Variants in GAL observed in about 807,000 individuals in gnomAD.
GAL encodes galanin and GMAP prepropeptide, also known as galanin peptides.
A neutral mutation model predicts 15.8 loss-of-function variants in GAL; 14 were observed. The ratio of observed to expected loss-of-function variants is 0.89; its 90% CI spans 0.59 to 1.39. The LOEUF (loss-of-function observed/expected upper bound fraction) is 1.39, where lower values mean the gene tolerates loss of function less well. Ranked by LOEUF, GAL falls within the 40% of genes most tolerant of loss-of-function variation. The pLI is 0.00. For missense variants in GAL, 176 were observed against 170.4 expected (o/e 1.03, Z -0.18); for synonymous variants, 79 against 73.8 (o/e 1.07, Z -0.36).
chr11:68,687,022 GGA>G (rs1442541484), intron 3 of GAL, among the ~76,000 whole-genome samples: 1 of 152,166 alleles, frequency 6.6e-6, no homozygotes, highest in Non-Finnish European at 1.5e-5. Flanking sequence ...TTGATTTCTA[GGA>G]TCTGCTAGAA....
chr11:68,691,041 A>G lies in GAL; in HGVS notation c.*54A>G. 9.1e-7 allele frequency: 1 copy of G among 1,098,356 alleles called. No homozygotes were observed. Among genetic ancestry groups the G allele is most frequent in the Non-Finnish European group, 1.4e-6 (1 of 710,452 alleles). The allele number at this position is 1,098,356 out of a possible 1,614,324, so 68.0% of individuals were successfully genotyped here. A position where few individuals can be genotyped will look rare whatever the true frequency, so the allele number is the denominator to read the frequency against. ...CTGTAACCTGAAGTCAAACCTTAAG[A>G]TAATGGATAATCTTCGGCCAATTTA... is the stretch of plus-strand genomic sequence containing the variant. On this transcript the variant is annotated 3_prime_UTR_variant, in exon 6 of 6. Transcript: ENST00000265643.
Position 68,691,051 on chromosome 11 carries a change from A to C in GAL, c.*64A>C. On this transcript the variant is annotated 3_prime_UTR_variant, in exon 6 of 6. Transcript: ENST00000265643. ...AAGTCAAACCTTAAGATAATGGATA[A>C]TCTTCGGCCAATTTATGCAGAGTCA... 1.0e-6 allele frequency: 1 copy of C among 994,482 alleles called. No individual in the cohort carries two copies. The highest frequency in any genetic ancestry group is 1.6e-6 in the Non-Finnish European group (1 of 617,756). 61.6% of individuals were successfully genotyped at this position (994,482 alleles called of 1,614,324 possible).
At position 68,690,948 on chromosome 11, in the gene GAL, C is replaced by A. The variant is rs759047278; in HGVS notation, c.333C>A (p.Leu111=). The change falls in exon 6 of 6, where the codon CTC becomes CTA. Residue 111 remains leucine, a synonymous_variant. Transcript: ENST00000265643. ...GTGCCCTCGACCGCCTCCTGGATCT[C>A]CCCGCCGCAGCCTCCTCAGAAGACA... is the stretch of plus-strand genomic sequence containing the variant. ...EAGALDRLLD[L]PAAASSEDIE... 3 of 1,613,322 alleles carry A rather than the reference C, an allele frequency of 1.9e-6. No homozygotes were observed. Among genetic ancestry groups the A allele is most frequent in the Non-Finnish European group, 1.7e-6 (2 of 1,179,560 alleles).
In GAL at chr11:68,688,759, A is replaced by G. The variant is rs144044685; in HGVS notation, c.224-90A>G. 5.5e-6 allele frequency: 4 copies of G among 721,206 alleles called. 1 individual carries two copies. The East Asian group carries it at 1.0e-4, about 19-fold the overall frequency. 44.7% of individuals were successfully genotyped at this position (721,206 alleles called of 1,614,324 possible). A position where few individuals can be genotyped will look rare whatever the true frequency, so the allele number is the denominator to read the frequency against. ...GCTGGGATCAGATCATTGACCTTGC[A>G]GCGCCCAGCTCCTCTGTAGGGAGGG... On this transcript the variant is annotated intron_variant, in intron 4 of 5. Coordinates refer to ENST00000265643, the MANE Select transcript of GAL (RefSeq NM_015973.5).
intron 5 of GAL, among the ~76,000 whole-genome samples, chr11:68,689,698 T>C (rs1158874868): frequency 6.6e-6 from 1 of 152,136 alleles, no homozygotes; most frequent in East Asian, 1.9e-4. Context: ...TGCCTGGCCC[T>C]AAACCATATT....
At chr11:68,684,832 G>A (rs879633356) in intron 1 of GAL, 92 bp from the exon 2 acceptor site, 46 of 752,780 alleles carry the variant, frequency 6.1e-5, no homozygotes, top group Non-Finnish European at 1.0e-4. Flanking sequence ...CCCGGCCGCC[G>A]CCTCTGCTCC....
At position 68,688,006 on chromosome 11, in the gene GAL, G is replaced by A. The variant is rs775214389; in HGVS notation, c.137-8G>A. The A allele has an allele frequency of 3.8e-6, 6 of 1,596,754 alleles. No individual in the cohort carries two copies. The highest frequency in any genetic ancestry group is 5.2e-6 in the Non-Finnish European group (6 of 1,164,550). On this transcript the variant is annotated splice_region_variant and splice_polypyrimidine_tract_variant and intron_variant, in intron 3 of 5. Transcript: ENST00000265643. ...ACCCAGAGGCTTTCCTCTCTGATCT[G>A]CAAACAGATGCCGTTGGCAACCACA...
intron 2 of GAL, 35 bp downstream of exon 2, chr11:68,685,039 G>C: frequency 1.4e-6 from 2 of 1,432,228 alleles, no homozygotes; most frequent in South Asian, 2.4e-5. Context: ...GAGCGAAGGG[G>C]ACATCAGAGC....
chr11:68,685,030 A>G (rs1011788651), intron 2 of GAL, 26 bp downstream of exon 2: 4 of 1,491,298 alleles, frequency 2.7e-6, no homozygotes, highest in Admixed American at 3.6e-5. Context: ...GTCTCCTCCG[A>G]GCGAAGGGGA....
In GAL at chr11:68,684,988, C is replaced by T. The variant is rs530826193; in HGVS notation, c.65C>T (p.Ala22Val). ...CTCGCCGCGGCCCTTTCTGCCTCTG[C>T]GGGGCTCTGGTCGCCGGTAAGTGCG... ...LLLAAALSAS[A>V]GLWSPAKEKR... is the part of the protein sequence containing the mutation. Residue 22 changes from alanine (A) to valine (V), a missense_variant, in exon 2 of 6, where the codon GCG (alanine) becomes GTG (valine). Physicochemically the swap from Ala to Val is moderately conservative, Grantham distance 64 (BLOSUM62 0). Transcript: ENST00000265643. 3.7e-6 allele frequency: 6 copies of T among 1,601,906 alleles called. No homozygotes were observed. The South Asian group carries it at 5.6e-5, about 15-fold the overall frequency.
intron 5 of GAL, among the ~76,000 whole-genome samples, chr11:68,689,477 G>A (rs1339608072): frequency 4.0e-5 from 6 of 151,626 alleles, no homozygotes; most frequent in Non-Finnish European, 8.8e-5. Context: ...GCTCACTGCA[G>A]CCTCTGCCTC....
intron 2 of GAL, 91 bp from the exon 3 acceptor site, chr11:68,685,503 T>C: frequency 1.2e-6 from 1 of 857,546 alleles, no homozygotes; most frequent in South Asian, 1.4e-5. Context: ...TTGTTCTAAG[T>C]CCTCTGCCAT....
chr11:68,688,030 C>T lies in GAL; in HGVS notation c.153C>T (p.His51=). Residue 51 remains histidine (H), a synonymous_variant, in exon 4 of 6, where the codon CAC becomes CAT. Transcript: ENST00000265643. ...TGCAAACAGATGCCGTTGGCAACCACAGGTCATTCAGCGACAAGAATGGCC... is the reference window on the plus strand; with the variant it reads ...TGCAAACAGATGCCGTTGGCAACCATAGGTCATTCAGCGACAAGAATGGCC... ...YLLGPHAVGN[H]RSFSDKNGLT... 6.2e-7 allele frequency: 1 copy of T among 1,611,614 alleles called. No homozygotes were observed. The highest frequency in any genetic ancestry group is 2.2e-5 in the East Asian group (1 of 44,874).
At chr11:68,689,675 G>A (rs1945887711) in intron 5 of GAL, among the ~76,000 whole-genome samples, 1 of 152,212 alleles carries the variant, frequency 6.6e-6, no homozygotes, top group Non-Finnish European at 1.5e-5. Flanking sequence ...GGGATTACAG[G>A]CGTGAGCCAC....
chr11:68,685,096 C>A, intron 2 of GAL, 92 bp downstream of exon 2: 1 of 836,594 alleles, frequency 1.2e-6, no homozygotes, highest in South Asian at 1.5e-5. Context: ...TCCGCCCTGC[C>A]CGCGGGGATG....
Position 68,688,918 on chromosome 11 carries a change from A to T in GAL, c.293A>T (p.His98Leu). 6.7e-7 allele frequency: 1 copy of T among 1,494,714 alleles called. No homozygotes were observed. The highest frequency in any genetic ancestry group is 1.1e-5 in the South Asian group (1 of 88,614). The allele number at this position is 1,494,714 out of a possible 1,614,324, so 92.6% of individuals were successfully genotyped here. A position where few individuals can be genotyped will look rare whatever the true frequency, so the allele number is the denominator to read the frequency against. Residue 98 changes from histidine to leucine, a missense_variant, in exon 5 of 6, where the codon CAT (histidine) becomes CTT (leucine). His to Leu is a moderately conservative substitution (Grantham distance 99). Coordinates refer to ENST00000265643, the MANE Select transcript of GAL (RefSeq NM_015973.5). ...RTIIEFLSFL[H>L]LKEAGALDRL... is the part of the protein sequence containing the mutation. The stretch of plus-strand genomic sequence containing the variant: ...ATCATTGAGTTTCTGTCTTTCTTGC[A>T]TCTCAAAGGTATGTGAAATATCATC...
intron 2 of GAL, among the ~76,000 whole-genome samples, chr11:68,685,269 G>T (rs1226148405): frequency 1.3e-5 from 2 of 152,270 alleles, no homozygotes; most frequent in African/African-American, 2.4e-5. Context: ...AGCGCCTCGG[G>T]AAAGCGAGAA....
chr11:68,686,757 G>C (rs1334810904), intron 3 of GAL, among the ~76,000 whole-genome samples: 2 of 152,168 alleles, frequency 1.3e-5, no homozygotes, highest in Non-Finnish European at 2.9e-5. Context: ...AGGGTCGGCT[G>C]ATTTCCTCAA....
Position 68,684,939 on chromosome 11 carries a change from G to A in GAL, c.16G>A (p.Ala6Thr), listed in dbSNP as rs760551954. 3.1e-6 allele frequency: 5 copies of A among 1,607,724 alleles called. No homozygotes were observed. The highest frequency in any genetic ancestry group is 3.3e-5 in the Admixed American group (2 of 59,844). Residue 6 changes from alanine to threonine, a missense_variant, in exon 2 of 6, where the codon GCC (alanine) becomes ACC (threonine). Coordinates refer to ENST00000265643, the MANE Select transcript of GAL (RefSeq NM_015973.5). MARGSALLLASLLLAA... is the reference protein window; with the variant it reads MARGSTLLLASLLLAA... ...TCCCTTCCAGATGGCCCGAGGCAGCGCCCTCCTGCTCGCCTCCCTCCTCCT... is the reference window on the plus strand; with the variant it reads ...TCCCTTCCAGATGGCCCGAGGCAGCACCCTCCTGCTCGCCTCCCTCCTCCT...
Sources: gnomAD v4.1 joint callset for allele counts (sites outside exome capture counted in the v4.1 genomes callset) on GRCh38, gnomAD v4.1.1 for gene constraint, MANE v1.5 for transcripts, NCBI Gene and HGNC (gene_info 2026-07-23, HGNC 2026-07-21) for gene names.